XXYLT1: variants seen among roughly 807,000 people sequenced by gnomAD.
The protein encoded by XXYLT1 is xyloside xylosyltransferase 1.
XXYLT1 carries 20 observed loss-of-function variants against 28.9 expected under a neutral mutation model. That is an observed-to-expected ratio of 0.69 (90% CI 0.49 to 1.00). The LOEUF is 1.00. Among genes scored for constraint, XXYLT1 ranks in the 50% least tolerant of loss-of-function variants. XXYLT1 has a pLI of 0.00. For missense variants in XXYLT1, 542 were observed against 560.1 expected, an observed-to-expected ratio of 0.97 and a Z score of 0.33; for synonymous variants, 257 against 253.8, an observed-to-expected ratio of 1.01 and a Z score of -0.12.
intron 1 of XXYLT1, among the ~76,000 whole-genome samples, chr3:195,264,110 G>A (rs1339906922): frequency 6.6e-6 from 1 of 152,170 alleles, no homozygotes; most frequent in African/African-American, 2.4e-5. Flanking sequence ...GCAAGCAGCT[G>A]CCAGAGCTGT....
rs1718780377 is a variant in XXYLT1 at position 195,129,163 on chromosome 3, A to G, written c.785+27286T>C. Reference sequence around the variant, plus strand: ...AACATAGAGAGGGACAGCAGAGTTTAGCGTGAACACTGAAGTCTGCACTTA... The same window carrying G: ...AACATAGAGAGGGACAGCAGAGTTTGGCGTGAACACTGAAGTCTGCACTTA... On this transcript the variant is annotated intron_variant, in intron 3 of 3. Transcript: ENST00000310380. The surrounding 1 kb of genome is among the most constrained non-coding windows in gnomAD (Gnocchi z 4.4). Among the ~76,000 whole-genome samples, 1 of 152,230 alleles carries G rather than the reference A, an allele frequency of 6.6e-6. No individual in the cohort carries two copies. The highest frequency in any genetic ancestry group is 2.4e-5 in the African/African-American group (1 of 41,462).
rs1041195131 is a variant in XXYLT1, at chr3:195,176,924, T to G, written c.653-20343A>C. ...AGCAAGAAACTCTCAAGCCCCCGCC[T>G]AGGGACTAACTCCCCGGCCTGCTGC... On this transcript the variant is annotated intron_variant, in intron 2 of 3. Transcript: ENST00000310380. This position sits in a 1 kb window ranked among gnomAD's most constrained non-coding sequence, Gnocchi z 4.9. Among the ~76,000 whole-genome samples the G allele has an allele frequency of 6.6e-6, 1 of 152,150 alleles. No individual in the cohort carries two copies. The highest frequency in any genetic ancestry group is 2.4e-5 in the African/African-American group (1 of 41,438).
At chr3:195,097,262 G>C (rs769209582) in intron 3 of XXYLT1, among the ~76,000 whole-genome samples, 2 of 152,220 alleles carry the variant, frequency 1.3e-5, no homozygotes, top group South Asian at 4.1e-4. Flanking sequence ...CAGACAGACA[G>C]AGAGATATAC....
chr3:195,177,656 T>G (rs1394644227), intron 2 of XXYLT1, among the ~76,000 whole-genome samples: 2 of 152,072 alleles, frequency 1.3e-5, no homozygotes, highest in Non-Finnish European at 2.9e-5. Flanking sequence ...CCAGGTACGG[T>G]GGCTCACAGT....
intron 2 of XXYLT1, among the ~76,000 whole-genome samples, chr3:195,186,090 T>A (rs1722185774): frequency 2.0e-5 from 3 of 152,184 alleles, no homozygotes; most frequent in Admixed American, 1.3e-4. Context: ...TTCTGCTACA[T>A]GATCAAGTTT....
rs996473656 is a variant in XXYLT1 at position 195,143,883 on chromosome 3, T to G, written c.785+12566A>C. On this transcript the variant is annotated intron_variant, in intron 3 of 3. Transcript: ENST00000310380. ...ATATATAGATATAGATATATATATA[T>G]ATATATTTATTTTTTATTTTTATTT... is the stretch of plus-strand genomic sequence containing the variant. Among the ~76,000 whole-genome samples, 8 of 128,264 alleles carry G rather than the reference T, an allele frequency of 6.2e-5. 1 individual carries two copies. Among genetic ancestry groups the G allele is most frequent in the Non-Finnish European group, 1.1e-4 (7 of 62,724 alleles). 84.1% of individuals were successfully genotyped at this position (128,264 alleles called of 152,430 possible).
intron 1 of XXYLT1, among the ~76,000 whole-genome samples, chr3:195,232,807 A>G (rs1045085404): frequency 6.6e-6 from 1 of 152,206 alleles, no homozygotes; most frequent in Non-Finnish European, 1.5e-5. Context: ...CATATGGTCT[A>G]TCCTTGAGAA....
chr3:195,242,491 C>T (rs1724820920), intron 1 of XXYLT1, among the ~76,000 whole-genome samples: 3 of 152,040 alleles, frequency 2.0e-5, no homozygotes, highest in Non-Finnish European at 4.4e-5. Context: ...ATGACATGGA[C>T]ACATGAGGAG....
intron 3 of XXYLT1, among the ~76,000 whole-genome samples, chr3:195,104,592 C>A (rs1290339386): frequency 6.6e-6 from 1 of 152,112 alleles, no homozygotes; most frequent in Non-Finnish European, 1.5e-5. Flanking sequence ...GAGGCGGGGA[C>A]CCGGGAGATC....
intron 1 of XXYLT1, among the ~76,000 whole-genome samples, chr3:195,266,135 T>C (rs542547342): frequency 1.2e-4 from 19 of 152,194 alleles, no homozygotes; most frequent in African/African-American, 4.6e-4. Flanking sequence ...GTCTAGGACA[T>C]TGAAATGACC....
rs368824779 is a variant in XXYLT1, at chr3:195,209,213, G to A, written c.652+17496C>T. The A allele has an allele frequency of 2.0e-5, 3 of 152,464 alleles. No individual in the cohort carries two copies. The highest frequency in any genetic ancestry group is 3.9e-4 in the East Asian group (2 of 5,184). 9.4% of individuals were successfully genotyped at this position (152,464 alleles called of 1,614,324 possible). On this transcript the variant is annotated intron_variant, in intron 2 of 3. Coordinates refer to ENST00000310380, the MANE Select transcript of XXYLT1 (RefSeq NM_152531.5). The surrounding 1 kb of genome is among the most constrained non-coding windows in gnomAD (Gnocchi z 5.0). ...CACTAGGGCAAGAAGCCTGTATGGA[G>A]GACAGACAGAGGAAGTGCAAAAGCC...
chr3:195,118,264 G>A (rs938581568), intron 3 of XXYLT1, among the ~76,000 whole-genome samples: 4 of 152,218 alleles, frequency 2.6e-5, no homozygotes, highest in African/African-American at 4.8e-5. Flanking sequence ...GCCTTCCCAA[G>A]GAACAAGTCA....
intron 2 of XXYLT1, among the ~76,000 whole-genome samples, chr3:195,178,271 G>A (rs1721772746): frequency 6.6e-6 from 1 of 151,976 alleles, no homozygotes; most frequent in African/African-American, 2.4e-5. Flanking sequence ...GTAAGCCCCT[G>A]CCCACACGGA....
At chr3:195,264,732 C>T (rs1725789432) in intron 1 of XXYLT1, among the ~76,000 whole-genome samples, 2 of 152,146 alleles carry the variant, frequency 1.3e-5, no homozygotes, top group African/African-American at 2.4e-5. Context: ...TTAACAACAC[C>T]CTATGAATGA....
In XXYLT1 at chr3:195,173,681, C is replaced by T. The variant is rs1482865288; in HGVS notation, c.653-17100G>A. On this transcript the variant is annotated intron_variant, in intron 2 of 3. Transcript: ENST00000310380. This position sits in a 1 kb window ranked among gnomAD's most constrained non-coding sequence, Gnocchi z 4.3. The stretch of plus-strand genomic sequence containing the variant: ...TAGTCCACTGACTCGGGGTAAAGTA[C>T]GGGCTCAGGGGAATCCTACTGAAAG... Among the ~76,000 whole-genome samples, 4 of 152,296 alleles carry T rather than the reference C, an allele frequency of 2.6e-5. No individual in the cohort carries two copies. Among genetic ancestry groups the T allele is most frequent in the African/African-American group, 7.2e-5 (3 of 41,544 alleles).
intron 2 of XXYLT1, among the ~76,000 whole-genome samples, chr3:195,192,436 A>G (rs1722465059): frequency 6.6e-6 from 1 of 152,156 alleles, no homozygotes; most frequent in East Asian, 1.9e-4. Flanking sequence ...AGAAAAAAAA[A>G]AAAATTAAAC....
chr3:195,110,990 A>G (rs1717680295), intron 3 of XXYLT1, among the ~76,000 whole-genome samples: 1 of 148,396 alleles, frequency 6.7e-6, no homozygotes, highest in Admixed American at 6.8e-5. Flanking sequence ...CTGCCACGAC[A>G]AAGTACAAAC....
chr3:195,102,086 G>A (rs559458871), intron 3 of XXYLT1, among the ~76,000 whole-genome samples: 29 of 144,848 alleles, frequency 2.0e-4, no homozygotes, highest in African/African-American at 6.2e-4. Flanking sequence ...AAGGGAAAGG[G>A]AGGGGAGGGG....
chr3:195,112,609 ACGCACACATGTGCACACACACACC>A (rs1717820338), intron 3 of XXYLT1, among the ~76,000 whole-genome samples: 1 of 95,556 alleles, frequency 1.0e-5, no homozygotes, highest in Non-Finnish European at 2.8e-5. Flanking sequence ...ATGCACACAC[ACGCACACATGTGCACACACACACC>A]CCCATGCACA....
Sources: allele counts gnomAD v4.1 joint callset (sites outside exome capture counted in the v4.1 genomes callset), GRCh38; gene constraint gnomAD v4.1.1; non-coding constraint Gnocchi (gnomAD v3.1); transcripts MANE v1.5; gene names NCBI Gene and HGNC (gene_info 2026-07-23, HGNC 2026-07-21).